The following CDH18 variants were observed in gnomAD, a reference collection of about 807,000 sequenced individuals.
CDH18 encodes cadherin 18.
A neutral mutation model predicts 67.9 loss-of-function variants in CDH18; 31 were observed. The ratio of observed to expected loss-of-function variants is 0.46; its 90% confidence interval spans 0.34 to 0.62. The LOEUF (loss-of-function observed/expected upper bound fraction) is 0.62, where lower values mean the gene tolerates loss of function less well. Among genes scored for constraint, CDH18 ranks in the 20% least tolerant of loss-of-function variants. CDH18 has a pLI of 0.01. For missense variants in CDH18, 890 were observed against 975.5 expected, an observed-to-expected ratio of 0.91 and a Z score of 1.17; for synonymous variants, 362 against 347.2, an observed-to-expected ratio of 1.04 and a Z score of -0.48.
At chr5:20,406,152 T>G (rs550192942) in intron 1 of CDH18, among the ~76,000 whole-genome samples, 1 of 152,278 alleles carries the variant, frequency 6.6e-6, no homozygotes, top group African/African-American at 2.4e-5. Flanking sequence ...ATTGCAGCAC[T>G]ATTGACAATA....
chr5:20,061,481 T>C (rs1290316487), intron 2 of CDH18, among the ~76,000 whole-genome samples: 1 of 152,196 alleles, frequency 6.6e-6, no homozygotes, highest in African/African-American at 2.4e-5. Flanking sequence ...TATTTTAATT[T>C]TAGATGTATA....
chr5:19,964,725 T>C (rs1797262190), intron 2 of CDH18, among the ~76,000 whole-genome samples: 1 of 144,898 alleles, frequency 6.9e-6, no homozygotes, highest in African/African-American at 2.9e-5. Context: ...ACTATGTATT[T>C]AGAACCTGAA....
At chr5:20,377,430 T>G (rs953848906) in intron 1 of CDH18, among the ~76,000 whole-genome samples, 3 of 152,220 alleles carry the variant, frequency 2.0e-5, no homozygotes, top group Non-Finnish European at 4.4e-5. Flanking sequence ...GTAATTCTTT[T>G]CTTAGTACAG....
At chr5:19,870,641 A>G (rs556537608) in intron 2 of CDH18, among the ~76,000 whole-genome samples, 1 of 152,276 alleles carries the variant, frequency 6.6e-6, no homozygotes, top group East Asian at 1.9e-4. Flanking sequence ...AGGTCTAGGC[A>G]GCATTAAAAA....
intron 4 of CDH18, among the ~76,000 whole-genome samples, chr5:19,745,398 AC>A (rs370341132): frequency 1.0e-3 from 157 of 151,914 alleles, no homozygotes; most frequent in African/African-American, 3.2e-3. Context: ...TAGTGCTTTA[AC>A]CCCTGTGGTT....
At chr5:20,331,566 G>C (rs1315891316) in intron 1 of CDH18, 2 of 152,092 alleles carry the variant, frequency 1.3e-5, no homozygotes, top group Admixed American at 6.6e-5. Context: ...TCACCTTGTA[G>C]CTTATTATGA....
At chr5:20,551,272 G>A (rs1757617632) in intron 1 of CDH18, among the ~76,000 whole-genome samples, 1 of 150,360 alleles carries the variant, frequency 6.7e-6, no homozygotes, top group Non-Finnish European at 1.5e-5. Flanking sequence ...AAGATATGTG[G>A]GTTAGAAGGA....
chr5:19,984,402 T>A (rs558127898), intron 1 of CDH18, among the ~76,000 whole-genome samples: 1 of 151,982 alleles, frequency 6.6e-6, no homozygotes, highest in Non-Finnish European at 1.5e-5. Context: ...AGGATGGAAA[T>A]AAGAAAAAAA....
intron 1 of CDH18, among the ~76,000 whole-genome samples, chr5:20,484,409 C>T (rs1753030415): frequency 6.6e-6 from 1 of 151,972 alleles, no homozygotes; most frequent in Middle Eastern, 3.2e-3. Context: ...ACTATATGAT[C>T]CAGTAATCTC....
chr5:20,529,958 T>C (rs1284111917), intron 1 of CDH18, among the ~76,000 whole-genome samples: 2 of 152,086 alleles, frequency 1.3e-5, no homozygotes, highest in African/African-American at 4.8e-5. Context: ...TGTCTTTGTT[T>C]GCAGATGACA....
At chr5:19,995,511 G>A (rs772614962) in intron 2 of CDH18, among the ~76,000 whole-genome samples, 1 of 149,724 alleles carries the variant, frequency 6.7e-6, no homozygotes, top group Non-Finnish European at 1.5e-5. Context: ...TAAATATAGA[G>A]TTGTTGAACC....
chr5:20,373,298 C>T (rs894865925), intron 1 of CDH18, among the ~76,000 whole-genome samples: 12 of 152,132 alleles, frequency 7.9e-5, no homozygotes, highest in Admixed American at 2.0e-4. Flanking sequence ...TCACAGCAAT[C>T]TTTCTTAAGT....
chr5:20,049,435 T>G (rs927746725), intron 2 of CDH18, among the ~76,000 whole-genome samples: 6 of 62,862 alleles, frequency 9.5e-5, no homozygotes, highest in African/African-American at 1.5e-4. Context: ...CAAAATAATC[T>G]ATACAACAAA....
rs1427404611 is a variant in CDH18, at chr5:20,333,847, T to C, written c.-579-78342A>G. The stretch of plus-strand genomic sequence containing the variant: ...CACTTTGTAAGGTAAAACTTATAGA[T>C]GTAAATAATTCATAAGAAAAATTTA... On this transcript the variant is annotated intron_variant, in intron 1 of 14. Coordinates refer to the CDH18 transcript ENST00000507958. 2.6e-5 allele frequency among the ~76,000 whole-genome samples: 4 copies of C among 151,708 alleles called. No homozygotes were observed. The East Asian group carries it at 7.8e-4, about 29-fold the overall frequency.
chr5:19,990,159 G>T (rs1442389857), upstream of CDH18, among the ~76,000 whole-genome samples: 1 of 152,082 alleles, frequency 6.6e-6, no homozygotes, highest in South Asian at 2.1e-4. Context: ...CCCAAAGAAA[G>T]AAATAGCTAT....
rs548556683 is a variant in CDH18, at chr5:19,721,825, C to T, written c.524-359G>A. ...ATTGCTACTAATTTTGCAGTTAAAT[C>T]AGAGTTATGATAAAGCTGTGTATAG... On this transcript the variant is annotated intron_variant, in intron 4 of 12. Coordinates refer to ENST00000382275, the MANE Select transcript of CDH18 (RefSeq NM_004934.5). Among the ~76,000 whole-genome samples the T allele has an allele frequency of 8.0e-4, 122 of 152,136 alleles. 3 individuals carry two copies. The South Asian group carries it at 0.022, about 27-fold the overall frequency.
At chr5:20,127,306 A>G (rs1358057295) in intron 2 of CDH18, among the ~76,000 whole-genome samples, 1 of 152,092 alleles carries the variant, frequency 6.6e-6, no homozygotes, top group East Asian at 1.9e-4. Flanking sequence ...TTCCCCAGCC[A>G]TGCTGCCTGT....
At chr5:20,294,851 A>T (rs986931179) in intron 1 of CDH18, among the ~76,000 whole-genome samples, 1 of 152,214 alleles carries the variant, frequency 6.6e-6, no homozygotes, top group African/African-American at 2.4e-5. Flanking sequence ...ACATACATAT[A>T]CTTACATATA....
intron 1 of CDH18, among the ~76,000 whole-genome samples, chr5:20,472,673 A>C (rs1419110027): frequency 6.6e-6 from 1 of 152,236 alleles, no homozygotes; most frequent in Non-Finnish European, 1.5e-5. Context: ...CAGAACTGAA[A>C]GACGGGCAGT....
Sources: gnomAD v4.1 joint callset for allele counts (sites outside exome capture counted in the v4.1 genomes callset) on GRCh38, gnomAD v4.1.1 for gene constraint, MANE v1.5 for transcripts, NCBI Gene and HGNC (gene_info 2026-07-23, HGNC 2026-07-21) for gene names.